AP3B1: variants seen among roughly 807,000 people sequenced by gnomAD.
AP3B1 encodes AP-3 complex subunit beta-1.
In AP3B1, 61 loss-of-function variants were observed where a neutral mutation model predicts 132.5. That is an observed-to-expected ratio of 0.46 (90% CI 0.37 to 0.57). AP3B1 has a LOEUF of 0.57. AP3B1 is among the 20% of genes least tolerant of loss of function. AP3B1 has a pLI of 0.00. For missense variants in AP3B1, 1,120 were observed against 1,289.4 expected (o/e 0.87, Z 2.01); for synonymous variants, 388 against 438.3 (o/e 0.89, Z 1.43).
At chr5:78,032,412 A>C (rs1011969959) in intron 24 of AP3B1, among the ~76,000 whole-genome samples, 1 of 152,110 alleles carries the variant, frequency 6.6e-6, no homozygotes, top group African/African-American at 2.4e-5. Flanking sequence ...CTTTTTATTG[A>C]ACTACCAAGA....
chr5:78,250,473 C>T (rs1479334705), intron 2 of AP3B1, among the ~76,000 whole-genome samples: 3 of 152,116 alleles, frequency 2.0e-5, no homozygotes. Context: ...ACGAATACTA[C>T]TCTCTTCAAC....
intron 1 of AP3B1, among the ~76,000 whole-genome samples, chr5:78,293,338 T>C (rs747511382): frequency 3.3e-5 from 5 of 152,246 alleles, no homozygotes; most frequent in Non-Finnish European, 7.3e-5. Flanking sequence ...TCTAGAACAA[T>C]GGATCATCAA....
At chr5:78,022,114 G>A (rs1747131955) in intron 24 of AP3B1, among the ~76,000 whole-genome samples, 1 of 152,152 alleles carries the variant, frequency 6.6e-6, no homozygotes, top group African/African-American at 2.4e-5. Context: ...ATTCTTGTAA[G>A]TGGCCTTATA....
intron 11 of AP3B1, 50 bp downstream of exon 11, chr5:78,175,576 T>G: frequency 7.0e-7 from 1 of 1,425,386 alleles, no homozygotes; most frequent in East Asian, 2.3e-5. Context: ...TAGAAATATC[T>G]CTTCAAAACA....
chr5:78,003,022 CA>C lies in AP3B1; in HGVS notation c.3164del (p.Leu1055Ter), dbSNP rs1437832728. 6.2e-7 allele frequency: 1 copy of C among 1,614,170 alleles called. No individual in the cohort carries two copies. Among genetic ancestry groups the C allele is most frequent in the South Asian group, 1.1e-5 (1 of 91,088 alleles). ...FAAKTVHSGSLMLVTVELKEG... is the reference protein window; with the variant it reads ...FAAKTVHSGSXMLVTVELKEG... ...CCTTCAGTTCCACTGTGACTAGCAT[CA>C]ATGACCCACTGTGCACAGTTTTAGC... On this transcript the variant is annotated frameshift_variant, in exon 27 of 27. Transcript: ENST00000255194. LOFTEE classifies it high-confidence loss of function.
At chr5:78,171,153 G>C (rs1227741024) in intron 11 of AP3B1, among the ~76,000 whole-genome samples, 1 of 152,200 alleles carries the variant, frequency 6.6e-6, no homozygotes. Flanking sequence ...AGTATAGTTT[G>C]AAGTCAGGCA....
At chr5:78,044,169 C>T (rs1748218384) in intron 22 of AP3B1, 1 of 235,692 alleles carries the variant, frequency 4.2e-6, no homozygotes. Context: ...TACTAGAGAG[C>T]AAGGTGGGCT....
chr5:78,102,971 CA>C (rs1354358406), intron 20 of AP3B1, among the ~76,000 whole-genome samples: 1 of 152,054 alleles, frequency 6.6e-6, no homozygotes, highest in East Asian at 1.9e-4. Flanking sequence ...AAAAGGCTTT[CA>C]AAAGGACAGA....
chr5:78,281,434 CAAA>C (rs36002317), intron 1 of AP3B1, among the ~76,000 whole-genome samples: 1 of 68,252 alleles, frequency 1.5e-5, no homozygotes. Flanking sequence ...AACTCTGCCT[CAAA>C]AAAAAAAAAA....
At chr5:78,117,832 A>T (rs1158995845) in intron 17 of AP3B1, among the ~76,000 whole-genome samples, 1 of 152,212 alleles carries the variant, frequency 6.6e-6, no homozygotes, top group Non-Finnish European at 1.5e-5. Context: ...TGATTTGTCA[A>T]GAAGAAATTA....
At chr5:78,043,641 G>A (rs1748194329) in intron 22 of AP3B1, 2 of 482,392 alleles carry the variant, frequency 4.1e-6, no homozygotes, top group Non-Finnish European at 8.4e-6. Context: ...GGCTCTCCAT[G>A]GTCAGCACAT....
chr5:78,147,647 T>A (rs572178565), intron 14 of AP3B1, among the ~76,000 whole-genome samples: 169 of 152,336 alleles, frequency 1.1e-3, no homozygotes, highest in African/African-American at 4.0e-3. Context: ...TTAATGGTTA[T>A]CTTCTGAGAA....
At chr5:78,258,625 G>C (rs183705779) in intron 2 of AP3B1, among the ~76,000 whole-genome samples, 2 of 152,294 alleles carry the variant, frequency 1.3e-5, no homozygotes, top group African/African-American at 4.8e-5. Flanking sequence ...ATGGAAAACA[G>C]TTTAGAGGTT....
chr5:78,260,558 C>T (rs1283192867), intron 2 of AP3B1, among the ~76,000 whole-genome samples: 1 of 151,992 alleles, frequency 6.6e-6, no homozygotes, highest in Non-Finnish European at 1.5e-5. Flanking sequence ...CACACCACTG[C>T]ACTCCAGCCT....
intron 21 of AP3B1, among the ~76,000 whole-genome samples, chr5:78,099,018 A>G (rs185065695): frequency 2.6e-5 from 4 of 152,302 alleles, no homozygotes; most frequent in East Asian, 3.9e-4. Context: ...GGCCTTTAGT[A>G]GGTAATTAGG....
At chr5:78,220,712 A>C (rs1199454993) in intron 6 of AP3B1, among the ~76,000 whole-genome samples, 1 of 151,898 alleles carries the variant, frequency 6.6e-6, no homozygotes, top group Non-Finnish European at 1.5e-5. Flanking sequence ...AAAAAAAAGT[A>C]AGGGGAGAGC....
chr5:78,080,623 ATTTTTTT>A lies in AP3B1; in HGVS notation c.2577+8763_2577+8769del, dbSNP rs66609184. ...GAAATACCCACTGGGTATGCCTCCA[ATTTTTTT>A]TTTTTTTTTTTTTTTTTTGCAAACA... On this transcript the variant is annotated intron_variant, in intron 22 of 26. Coordinates refer to ENST00000255194, the MANE Select transcript of AP3B1 (RefSeq NM_003664.5). Among the ~76,000 whole-genome samples the A allele has an allele frequency of 5.2e-3, 536 of 103,544 alleles. 1 individual carries two copies. The highest frequency in any genetic ancestry group is 0.018 in the African/African-American group (474 of 26,522). 67.9% of individuals were successfully genotyped at this position (103,544 alleles called of 152,430 possible). A position where few individuals can be genotyped will look rare whatever the true frequency, so the allele number is the denominator to read the frequency against.
intron 22 of AP3B1, among the ~76,000 whole-genome samples, chr5:78,063,153 A>G (rs982991983): frequency 6.6e-6 from 1 of 152,164 alleles, no homozygotes; most frequent in African/African-American, 2.4e-5. Context: ...AAACACTATC[A>G]ATTTTCCTCA....
chr5:78,072,548 G>A (rs1273945864), intron 22 of AP3B1, among the ~76,000 whole-genome samples: 1 of 151,832 alleles, frequency 6.6e-6, no homozygotes, highest in African/African-American at 2.4e-5. Flanking sequence ...TTGTACAGAG[G>A]TGTAAAGCAG....
Sources: allele counts gnomAD v4.1 joint callset (sites outside exome capture counted in the v4.1 genomes callset), GRCh38; gene constraint gnomAD v4.1.1; transcripts MANE v1.5; gene names NCBI Gene and HGNC (gene_info 2026-07-23, HGNC 2026-07-21).